The following HACL2 variants were observed in gnomAD, a reference collection of about 807,000 sequenced individuals.
The protein encoded by HACL2 is 2-hydroxyacyl-CoA lyase 1 like.
the HACL2 span, among the ~76,000 whole-genome samples, chr19:15,119,819 G>A: frequency 6.6e-6 from 1 of 152,084 alleles, no homozygotes; most frequent in African/African-American, 2.4e-5. Flanking sequence ...CCTAAGTGTT[G>A]GGATTGCTGC....
the HACL2 span, chr19:15,122,987 C>A: frequency 6.2e-7 from 1 of 1,603,252 alleles, no homozygotes; most frequent in East Asian, 2.2e-5. The surrounding 1 kb of genome is among the most constrained non-coding windows in gnomAD (Gnocchi z 4.0). Flanking sequence ...ACAGAGTGGC[C>A]GGAAAAGGGA....
At chr19:15,116,706 C>T in the HACL2 span, 10 of 590,612 alleles carry the variant, frequency 1.7e-5, no homozygotes, top group Admixed American at 1.5e-4. Flanking sequence ...CAGGGGAGGG[C>T]AGCCCAGGTG....
chr19:15,115,095 C>A, the HACL2 span: 1 of 803,602 alleles, frequency 1.2e-6, no homozygotes, highest in South Asian at 1.5e-5. Context: ...CACAAGAGAG[C>A]CTCTCTGAGA....
chr19:15,115,780 C>A, the HACL2 span: 1 of 1,579,154 alleles, frequency 6.3e-7, no homozygotes, highest in Non-Finnish European at 8.7e-7. Context: ...TCCCTCCCCA[C>A]CTCAGCCCAC....
chr19:15,119,064 C>A, the HACL2 span: 1 of 1,318,148 alleles, frequency 7.6e-7, no homozygotes, highest in Non-Finnish European at 1.0e-6. Context: ...GTATCAAGTA[C>A]AATAGGTGCC....
the HACL2 span, chr19:15,115,245 C>T: frequency 1.2e-6 from 2 of 1,614,078 alleles, no homozygotes; most frequent in African/African-American, 1.3e-5. Flanking sequence ...TCCTGACCCA[C>T]AAGGCCCTAT....
the HACL2 span, chr19:15,115,057 G>C: frequency 1.5e-6 from 1 of 656,974 alleles, no homozygotes; most frequent in Non-Finnish European, 2.7e-6. Context: ...GGCACAGTTG[G>C]GTCCGTGAAG....
At chr19:15,119,624 C>T in the HACL2 span, 1 of 926,722 alleles carries the variant, frequency 1.1e-6, no homozygotes. Context: ...GATCTCAGCT[C>T]ACTGCAGCCT....
chr19:15,117,745 C>G, the HACL2 span: 2 of 858,006 alleles, frequency 2.3e-6, no homozygotes, highest in Non-Finnish European at 1.8e-6. Context: ...AACTATTTGT[C>G]TCTGGTTGAC....
chr19:15,120,369 G>A, the HACL2 span, among the ~76,000 whole-genome samples: 1 of 152,220 alleles, frequency 6.6e-6, no homozygotes, highest in Non-Finnish European at 1.5e-5. Context: ...ACAGATGTGA[G>A]CTCAAGTCCT....
chr19:15,122,691 A>G, the HACL2 span: 1 of 1,613,078 alleles, frequency 6.2e-7, no homozygotes, highest in African/African-American at 1.3e-5. This position sits in a 1 kb window ranked among gnomAD's most constrained non-coding sequence, Gnocchi z 4.0. Context: ...GGGGCTATTC[A>G]CCAGGAGACC....
At chr19:15,120,239 G>A in the HACL2 span, among the ~76,000 whole-genome samples, 1 of 152,136 alleles carries the variant, frequency 6.6e-6, no homozygotes. Context: ...GAACCCTAGT[G>A]GCCAGGTCTT....
the HACL2 span, chr19:15,120,095 G>C: frequency 1.6e-5 from 24 of 1,507,528 alleles, no homozygotes; most frequent in East Asian, 2.5e-5. Context: ...CAAAAGGGAG[G>C]GGGAAGAAAC....
chr19:15,119,040 TTA>T, the HACL2 span: 1 of 1,092,306 alleles, frequency 9.2e-7, no homozygotes, highest in Non-Finnish European at 1.3e-6. Flanking sequence ...TCAAAGCGCT[TTA>T]TGTGAAAATG....
chr19:15,120,106 C>T, the HACL2 span: 1 of 1,435,084 alleles, frequency 7.0e-7, no homozygotes, highest in Non-Finnish European at 9.6e-7. Flanking sequence ...GGGAAGAAAC[C>T]AAGTTGCCAG....
chr19:15,124,856 G>T, the HACL2 span: 1 of 1,538,512 alleles, frequency 6.5e-7, no homozygotes, highest in Non-Finnish European at 8.8e-7. Context: ...TGAGTGAGCT[G>T]GAAGCAGCAC....
the HACL2 span, chr19:15,116,274 A>C: frequency 6.2e-7 from 1 of 1,613,818 alleles, no homozygotes; most frequent in African/African-American, 1.3e-5. Context: ...CAGCTGCAGC[A>C]CCTGCACTGG....
chr19:15,121,837 G>C, the HACL2 span, among the ~76,000 whole-genome samples: 1 of 149,398 alleles, frequency 6.7e-6, no homozygotes, highest in East Asian at 2.0e-4. Flanking sequence ...AGAAAGAAAA[G>C]GACAAAGATG....
chr19:15,117,080 C>T, the HACL2 span: 1 of 164,542 alleles, frequency 6.1e-6, no homozygotes, highest in Non-Finnish European at 1.3e-5. Context: ...TCCGGCCTGC[C>T]GTCCATGGCT....
Sources: gnomAD v4.1 joint callset for allele counts (sites outside exome capture counted in the v4.1 genomes callset) on GRCh38, gnomAD v4.1.1 for gene constraint, Gnocchi (gnomAD v3.1) non-coding constraint, MANE v1.5 for transcripts, NCBI Gene and HGNC (gene_info 2026-07-23, HGNC 2026-07-21) for gene names.